The following GRIK2 variants were observed in gnomAD, a reference collection of about 807,000 sequenced individuals.
The protein encoded by GRIK2 is glutamate ionotropic receptor kainate type subunit 2.
In GRIK2, 32 loss-of-function variants were observed where a neutral mutation model predicts 100.3. The observed-to-expected ratio is 0.32, with a 90% CI of 0.24 to 0.43. The LOEUF (loss-of-function observed/expected upper bound fraction) is 0.43, where lower values mean the gene tolerates loss of function less well. Among genes scored for constraint, GRIK2 ranks in the 20% least tolerant of loss-of-function variants. The pLI, the probability that GRIK2 is intolerant of heterozygous loss-of-function variation, is 1.00. For synonymous variants in GRIK2, 417 were observed against 389.4 expected (o/e 1.07, Z -0.83); for missense variants, 843 against 1,114.9 (o/e 0.76, Z 3.47).
chr6:101,541,090 T>TAGATGC (rs1775961563), intron 2 of GRIK2, among the ~76,000 whole-genome samples: 6 of 151,804 alleles, frequency 4.0e-5, no homozygotes, highest in Middle Eastern at 3.4e-3. Flanking sequence ...TTTGTAGATG[T>TAGATGC]CTCAGTTTTA....
At chr6:101,520,063 C>T (rs1285325723) in intron 2 of GRIK2, among the ~76,000 whole-genome samples, 3 of 151,982 alleles carry the variant, frequency 2.0e-5, no homozygotes, top group Admixed American at 6.6e-5. Context: ...ATCACAAAGA[C>T]CCTAAGGGCA....
intron 7 of GRIK2, among the ~76,000 whole-genome samples, chr6:101,766,678 C>G (rs536580792): frequency 1.8e-4 from 28 of 152,126 alleles, no homozygotes; most frequent in Admixed American, 7.2e-4. Flanking sequence ...CTACTCACAA[C>G]TCTGCTCAAG....
At chr6:101,934,626 C>T (rs1790504834) in intron 14 of GRIK2, among the ~76,000 whole-genome samples, 1 of 151,772 alleles carries the variant, frequency 6.6e-6, no homozygotes, top group African/African-American at 2.4e-5. Context: ...ACTGCAAGTC[C>T]TTATTAGATC....
rs551669359 is a variant in GRIK2, at chr6:101,826,167, A to T, written c.1317+7684A>T. 5.3e-5 allele frequency among the ~76,000 whole-genome samples: 8 copies of T among 152,226 alleles called. No individual in the cohort carries two copies. In the East Asian group the frequency reaches 1.5e-3, roughly 29 times the overall value. ...AGGAGAAAGAGTAGATTATTCTAAG[A>T]AAGTTCAACAGAGAAGTAATCAAGA... On this transcript the variant is annotated intron_variant, in intron 10 of 16. Transcript: ENST00000369134.
intron 10 of GRIK2, among the ~76,000 whole-genome samples, chr6:101,823,882 T>TG (rs1562416701): frequency 2.7e-5 from 4 of 150,864 alleles, no homozygotes; most frequent in South Asian, 2.1e-4. Flanking sequence ...TTTTGTTTTT[T>TG]TTTTTGATGG....
At chr6:101,773,394 C>T (rs1189601534) in intron 7 of GRIK2, among the ~76,000 whole-genome samples, 3 of 149,554 alleles carry the variant, frequency 2.0e-5, no homozygotes, top group East Asian at 2.1e-4. Context: ...GCAGGAGAAT[C>T]GCTTGAACCC....
intron 2 of GRIK2, among the ~76,000 whole-genome samples, chr6:101,422,406 C>G (rs1229891461): frequency 1.3e-5 from 2 of 152,106 alleles, no homozygotes; most frequent in Non-Finnish European, 2.9e-5. Flanking sequence ...TCAAGTATTA[C>G]ATGAATAATT....
chr6:101,401,744 G>A (rs542444256), intron 2 of GRIK2, among the ~76,000 whole-genome samples: 96 of 152,342 alleles, frequency 6.3e-4, no homozygotes, highest in Middle Eastern at 3.4e-3. Context: ...GCACGTATAA[G>A]CCACTCTTGA....
chr6:101,562,908 A>G (rs1003686133), intron 2 of GRIK2, among the ~76,000 whole-genome samples: 4 of 152,160 alleles, frequency 2.6e-5, no homozygotes, highest in African/African-American at 7.2e-5. Flanking sequence ...GTTCTGTGTA[A>G]TGATACTTTT....
chr6:102,049,982 A>C (rs2852612), intron 15 of GRIK2, among the ~76,000 whole-genome samples: 54,354 of 151,908 alleles, frequency 0.36, 10,178 homozygotes, highest in Middle Eastern at 0.45. Flanking sequence ...TTTAAAGAAA[A>C]GTTATTTATC....
chr6:101,455,600 A>G (rs964236503), intron 2 of GRIK2, among the ~76,000 whole-genome samples: 5 of 152,012 alleles, frequency 3.3e-5, no homozygotes, highest in Admixed American at 6.6e-5. Context: ...TAAAAAAAAA[A>G]GTGACTATTT....
rs181875311 is a variant in GRIK2 at position 101,776,879 on chromosome 6, C to T, written c.952-22769C>T. Among the ~76,000 whole-genome samples the T allele has an allele frequency of 3.7e-4, 56 of 152,308 alleles. No individual in the cohort carries two copies. In the East Asian group the frequency reaches 9.7e-3, roughly 26 times the overall value. On this transcript the variant is annotated intron_variant, in intron 7 of 16. Transcript: ENST00000369134. ...TGTTTTAAACAGCATGAGGCCTGTTCTCCCATTTAGGCTAACAGTGGGTGC... is the reference window on the plus strand; with the variant it reads ...TGTTTTAAACAGCATGAGGCCTGTTTTCCCATTTAGGCTAACAGTGGGTGC...
intron 10 of GRIK2, among the ~76,000 whole-genome samples, chr6:101,819,378 G>T (rs533450782): frequency 1.3e-5 from 2 of 152,250 alleles, no homozygotes; most frequent in East Asian, 1.9e-4. Flanking sequence ...TGCCCCTTTA[G>T]TAGCAACGAG....
intron 5 of GRIK2, 107 bp downstream of exon 5, chr6:101,676,911 C>A (rs1368237326): frequency 6.5e-6 from 4 of 616,292 alleles, no homozygotes; most frequent in African/African-American, 5.8e-5. Context: ...TTATAATAAC[C>A]TTGATGTAAT....
At chr6:101,525,333 T>C (rs1477474201) in intron 2 of GRIK2, among the ~76,000 whole-genome samples, 1 of 152,208 alleles carries the variant, frequency 6.6e-6, no homozygotes, top group Non-Finnish European at 1.5e-5. Context: ...GAGGCTAATA[T>C]TTGTGGTCAG....
At chr6:101,601,702 T>C (rs1779220383) in intron 2 of GRIK2, among the ~76,000 whole-genome samples, 1 of 151,978 alleles carries the variant, frequency 6.6e-6, no homozygotes, top group East Asian at 1.9e-4. Context: ...CCTATAGATT[T>C]TTTAGTTTGT....
intron 11 of GRIK2, among the ~76,000 whole-genome samples, chr6:101,873,703 G>A (rs1383951982): frequency 2.0e-5 from 3 of 151,894 alleles, no homozygotes; most frequent in East Asian, 1.9e-4. Context: ...CTAGTTTACA[G>A]TCCCACCAAC....
chr6:101,435,578 C>G (rs1352392186), intron 2 of GRIK2, among the ~76,000 whole-genome samples: 1 of 152,070 alleles, frequency 6.6e-6, no homozygotes, highest in Non-Finnish European at 1.5e-5. Flanking sequence ...CCATGATCTC[C>G]ATGCCAGTGG....
intron 7 of GRIK2, among the ~76,000 whole-genome samples, chr6:101,705,382 A>T (rs1773196674): frequency 6.6e-6 from 1 of 151,682 alleles, no homozygotes; most frequent in African/African-American, 2.4e-5. Flanking sequence ...CCAAAAGTTT[A>T]CCATATTTAT....
Sources: allele counts gnomAD v4.1 joint callset (sites outside exome capture counted in the v4.1 genomes callset), GRCh38; gene constraint gnomAD v4.1.1; transcripts MANE v1.5; gene names NCBI Gene and HGNC (gene_info 2026-07-23, HGNC 2026-07-21).